The following COL23A1 variants were observed in gnomAD, a reference collection of about 807,000 sequenced individuals.
COL23A1 encodes the protein collagen type XXIII alpha 1 chain.
A neutral mutation model predicts 99.3 loss-of-function variants in COL23A1; 97 were observed. The ratio of observed to expected loss-of-function variants is 0.98; its 90% CI spans 0.83 to 1.16. The LOEUF (loss-of-function observed/expected upper bound fraction) is 1.16, where lower values mean the gene tolerates loss of function less well. COL23A1 is among the 50% of genes most tolerant of loss of function. COL23A1 has a pLI of 0.00. For synonymous variants in COL23A1, 320 were observed against 308.2 expected (o/e 1.04, Z -0.40); for missense variants, 762 against 757.4 (o/e 1.01, Z -0.07).
chr5:178,282,534 T>C (rs1371395329), intron 5 of COL23A1, among the ~76,000 whole-genome samples: 2 of 152,154 alleles, frequency 1.3e-5, no homozygotes, highest in Admixed American at 1.3e-4. Context: ...GGCTGGCTGG[T>C]TGGTGTGAGG....
chr5:178,320,354 C>T (rs555028827), intron 2 of COL23A1, among the ~76,000 whole-genome samples: 6 of 152,144 alleles, frequency 3.9e-5, no homozygotes, highest in African/African-American at 1.2e-4. Context: ...CCACCTGAAT[C>T]GGGAAGAAGT....
intron 2 of COL23A1, among the ~76,000 whole-genome samples, chr5:178,362,710 T>C (rs917727208): frequency 3.3e-5 from 5 of 152,156 alleles, no homozygotes; most frequent in African/African-American, 9.7e-5. Flanking sequence ...GCTTTCTTCC[T>C]GCAGCTGCAA....
chr5:178,360,230 A>C (rs748988657), intron 2 of COL23A1, among the ~76,000 whole-genome samples: 1 of 152,178 alleles, frequency 6.6e-6, no homozygotes, highest in Non-Finnish European at 1.5e-5. Flanking sequence ...TTATCAGACC[A>C]AGTGTAGGGA....
intron 2 of COL23A1, among the ~76,000 whole-genome samples, chr5:178,545,257 G>A (rs974507633): frequency 2.0e-5 from 3 of 152,076 alleles, no homozygotes; most frequent in East Asian, 1.9e-4. Context: ...GAGCCCCCAC[G>A]CCCCTCACAG....
intron 2 of COL23A1, among the ~76,000 whole-genome samples, chr5:178,473,942 ATTT>A (rs1219833528): frequency 1.3e-5 from 2 of 152,144 alleles, no homozygotes; most frequent in Non-Finnish European, 2.9e-5. Context: ...GGGTCAAATC[ATTT>A]TTATTTCCCT....
intron 2 of COL23A1, among the ~76,000 whole-genome samples, chr5:178,394,551 T>C (rs566372278): frequency 4.2e-4 from 64 of 152,326 alleles, no homozygotes; most frequent in African/African-American, 1.3e-3. Context: ...CTCAACATGG[T>C]GTTCACAGCT....
rs1469439853 is a variant in COL23A1 at position 178,541,376 on chromosome 5, C to A, written c.361+19306G>T. 2.0e-5 allele frequency among the ~76,000 whole-genome samples: 3 copies of A among 152,218 alleles called. No homozygotes were observed. The East Asian group carries it at 5.8e-4, about 29-fold the overall frequency. On this transcript the variant is annotated intron_variant, in intron 2 of 28. Transcript: ENST00000390654. Reference sequence around the variant, plus strand: ...GCCAAGGCGGGTGGATCACTTGAGGCCAGGAGTTCAAGACCAGCCTGGGCG... The same window carrying A: ...GCCAAGGCGGGTGGATCACTTGAGGACAGGAGTTCAAGACCAGCCTGGGCG...
chr5:178,523,201 T>TATATATATAGAGAGAGAGAGAG (rs1223542330), intron 2 of COL23A1, among the ~76,000 whole-genome samples: 2 of 77,630 alleles, frequency 2.6e-5, no homozygotes, highest in Non-Finnish European at 5.0e-5. Flanking sequence ...TATATATATA[T>TATATATATAGAGAGAGAGAGAG]AGAGAGAGAG....
At chr5:178,509,214 T>C (rs1483942188) in intron 2 of COL23A1, among the ~76,000 whole-genome samples, 1 of 94,570 alleles carries the variant, frequency 1.1e-5, no homozygotes, top group African/African-American at 4.2e-5. Flanking sequence ...AATCAGAACC[T>C]GCATTCTTTT....
chr5:178,502,339 G>T (rs559791060), intron 2 of COL23A1, among the ~76,000 whole-genome samples: 3 of 152,192 alleles, frequency 2.0e-5, no homozygotes, highest in Admixed American at 6.5e-5. Context: ...CACCATGTTA[G>T]CCAGGATGGT....
chr5:178,390,425 A>G (rs73803022), intron 2 of COL23A1, among the ~76,000 whole-genome samples: 2,739 of 152,266 alleles, frequency 0.018, 76 homozygotes, highest in African/African-American at 0.062. Flanking sequence ...GGCCACATAA[A>G]GAAGAGCTGA....
At chr5:178,512,480 C>G (rs938494157) in intron 2 of COL23A1, among the ~76,000 whole-genome samples, 5 of 152,132 alleles carry the variant, frequency 3.3e-5, no homozygotes, top group African/African-American at 1.2e-4. Context: ...TAACATCGTC[C>G]CTGTCCAGCA....
At chr5:178,288,398 A>C (rs2127583670) in intron 4 of COL23A1, 48 bp from the exon 5 acceptor site, 1 of 1,525,492 alleles carries the variant, frequency 6.6e-7, no homozygotes, top group Non-Finnish European at 9.1e-7. Flanking sequence ...GGCAGAAACC[A>C]TATGGCAACA....
At chr5:178,298,856 A>G (rs1387217549) in intron 3 of COL23A1, among the ~76,000 whole-genome samples, 2 of 152,226 alleles carry the variant, frequency 1.3e-5, no homozygotes, top group African/African-American at 4.8e-5. Flanking sequence ...CACTGTGCCT[A>G]GCCTGAGTCA....
chr5:178,535,117 C>T (rs536951776), intron 2 of COL23A1, among the ~76,000 whole-genome samples: 10 of 151,930 alleles, frequency 6.6e-5, no homozygotes, highest in South Asian at 2.1e-4. Context: ...GGATTACAGG[C>T]GCCTGCTACC....
At chr5:178,254,007 T>C (rs941526222) in intron 16 of COL23A1, among the ~76,000 whole-genome samples, 1 of 151,768 alleles carries the variant, frequency 6.6e-6, no homozygotes, top group Non-Finnish European at 1.5e-5. Flanking sequence ...CTACTAAAAA[T>C]ATAAAAATTA....
chr5:178,425,291 T>C (rs1038150536), intron 2 of COL23A1, among the ~76,000 whole-genome samples: 1 of 151,832 alleles, frequency 6.6e-6, no homozygotes, highest in African/African-American at 2.4e-5. Flanking sequence ...GCATGGTAAC[T>C]TATGACTGTA....
At chr5:178,344,893 A>G in intron 2 of COL23A1, 1 of 773,884 alleles carries the variant, frequency 1.3e-6, no homozygotes, top group South Asian at 1.3e-5. Flanking sequence ...TCATGTGGAC[A>G]GTCTCAGGGA....
rs961710567 is a variant in COL23A1 at position 178,307,070 on chromosome 5, G to T, written c.362-151C>A. The T allele has an allele frequency of 9.3e-5, 49 of 529,716 alleles. No individual in the cohort carries two copies. Among genetic ancestry groups the T allele is most frequent in the Non-Finnish European group, 1.4e-4 (41 of 300,232 alleles). The allele number at this position is 529,716 out of a possible 1,614,324, so 32.8% of individuals were successfully genotyped here. On this transcript the variant is annotated intron_variant, in intron 2 of 28. Transcript: ENST00000390654. This position sits in a 1 kb window ranked among gnomAD's most constrained non-coding sequence, Gnocchi z 4.2. ...GTCTGCTGGCTGTGGAGGGGGAGATGCGTGGGGAGAAACCCCTTCCTTCTG... is the reference window on the plus strand; with the variant it reads ...GTCTGCTGGCTGTGGAGGGGGAGATTCGTGGGGAGAAACCCCTTCCTTCTG...
Sources: allele counts gnomAD v4.1 joint callset (sites outside exome capture counted in the v4.1 genomes callset), GRCh38; gene constraint gnomAD v4.1.1; non-coding constraint Gnocchi (gnomAD v3.1); transcripts MANE v1.5; gene names NCBI Gene and HGNC (gene_info 2026-07-23, HGNC 2026-07-21).